The following PARP4 variants were observed in gnomAD, a reference collection of about 807,000 sequenced individuals.
PARP4 encodes protein mono-ADP-ribosyltransferase PARP4.
Under a neutral mutation model 187.7 loss-of-function variants are expected in PARP4, and 120 were observed. That is an observed-to-expected ratio of 0.64 (90% confidence interval 0.55 to 0.74). PARP4 has a LOEUF of 0.74. Among genes scored for constraint, PARP4 ranks in the 30% least tolerant of loss-of-function variants. The probability of loss-of-function intolerance (pLI) is 0.00; values close to 1 mark genes in which losing one functional copy is unlikely to be tolerated. For synonymous variants in PARP4, 654 were observed against 740.9 expected, an observed-to-expected ratio of 0.88 and a Z score of 1.90; for missense variants, 1,836 against 2,070.5, an observed-to-expected ratio of 0.89 and a Z score of 2.20.
intron 4 of PARP4, 94 bp downstream of exon 4, chr13:24,500,222 A>C: frequency 1.6e-6 from 1 of 622,426 alleles, no homozygotes; most frequent in Middle Eastern, 2.8e-4. Flanking sequence ...AAATAAGAAA[A>C]AGTCTACAAA....
Position 24,441,727 on chromosome 13 carries a change from A to G in PARP4, c.3666+119T>C. ...TATAAATGCATGAATATTTTCCATC[A>G]TCAGGGATACAACTTCTTCATGTAC... On this transcript the variant is annotated intron_variant, in intron 30 of 33. Transcript: ENST00000381989. 20 of 851,274 alleles carry G rather than the reference A, an allele frequency of 2.3e-5. No individual in the cohort carries two copies. The South Asian group carries it at 3.0e-4, about 13-fold the overall frequency. The allele number at this position is 851,274 out of a possible 1,614,324, so 52.7% of individuals were successfully genotyped here.
intron 25 of PARP4, 35 bp from the exon 26 acceptor site, chr13:24,447,221 G>A (rs771994349): frequency 1.2e-5 from 17 of 1,473,874 alleles, no homozygotes; most frequent in Non-Finnish European, 1.6e-5. Flanking sequence ...CTCTTTCAAT[G>A]CTCCATCCAG....
chr13:24,499,622 C>T (rs1001763997), intron 4 of PARP4, among the ~76,000 whole-genome samples: 2 of 152,138 alleles, frequency 1.3e-5, no homozygotes, highest in Non-Finnish European at 2.9e-5. Flanking sequence ...AGCACTGTAG[C>T]GTCTGCACTG....
chr13:24,434,304 T>C (rs1398459153), intron 31 of PARP4, 91 bp downstream of exon 31: 17 of 1,232,774 alleles, frequency 1.4e-5, no homozygotes, highest in African/African-American at 7.6e-5. Context: ...AGACTGATGA[T>C]AGACGGTTCC....
chr13:24,467,857 G>A (rs1593621664), intron 17 of PARP4, among the ~76,000 whole-genome samples: 2 of 152,238 alleles, frequency 1.3e-5, no homozygotes, highest in South Asian at 4.2e-4. Flanking sequence ...TTAAGTGGCA[G>A]CCTCTCAAAT....
intron 24 of PARP4, 35 bp downstream of exon 24, chr13:24,452,371 G>C: frequency 6.4e-7 from 1 of 1,571,848 alleles, no homozygotes; most frequent in Non-Finnish European, 8.7e-7. Context: ...CCTCCCCGTG[G>C]GTCTGGACTA....
intron 17 of PARP4, among the ~76,000 whole-genome samples, chr13:24,468,074 T>A (rs917162135): frequency 5.3e-5 from 8 of 152,152 alleles, no homozygotes; most frequent in African/African-American, 1.9e-4. Context: ...CATGGCCATG[T>A]GTCACCCTCA....
chr13:24,467,697 G>C (rs200718170), intron 17 of PARP4, among the ~76,000 whole-genome samples: 8 of 152,200 alleles, frequency 5.3e-5, no homozygotes, highest in Non-Finnish European at 8.8e-5. Flanking sequence ...AGACCTGAAG[G>C]CTTGGGTTAG....
chr13:24,506,324 G>A (rs1869670967), intron 1 of PARP4, among the ~76,000 whole-genome samples: 1 of 152,166 alleles, frequency 6.6e-6, no homozygotes, highest in African/African-American at 2.4e-5. Context: ...TAAAGGCAGT[G>A]CGGACCCAAA....
intron 30 of PARP4, among the ~76,000 whole-genome samples, chr13:24,437,118 T>A (rs1870674335): frequency 6.6e-6 from 1 of 152,146 alleles, no homozygotes; most frequent in Admixed American, 6.5e-5. Flanking sequence ...TACTAGATTA[T>A]GAAGGTGGCA....
intron 30 of PARP4, among the ~76,000 whole-genome samples, chr13:24,437,992 A>G (rs9511263): frequency 0.94 from 142,819 of 152,238 alleles, 67,134 homozygotes; most frequent in East Asian, 0.99. Context: ...TCCTGATCTC[A>G]GGTGATCCAC....
chr13:24,463,777 G>C (rs1440966405), intron 17 of PARP4, among the ~76,000 whole-genome samples: 1 of 152,100 alleles, frequency 6.6e-6, no homozygotes, highest in East Asian at 1.9e-4. Flanking sequence ...ATTCAATATA[G>C]TATTGGAAGT....
rs369486296 is a variant in PARP4, at chr13:24,492,404, A to G, written c.1053+17T>C. 1.6e-5 allele frequency: 25 copies of G among 1,580,222 alleles called. No homozygotes were observed. Among genetic ancestry groups the G allele is most frequent in the Admixed American group, 1.2e-4 (7 of 56,358 alleles). On this transcript the variant is annotated intron_variant, in intron 9 of 33. Coordinates refer to ENST00000381989, the MANE Select transcript of PARP4 (RefSeq NM_006437.4). Reference sequence around the variant, plus strand: ...CATATTTTATAATAAATAGAATTCTATATTTCAGAGGTTTACCTGGCAGAG... The same window carrying G: ...CATATTTTATAATAAATAGAATTCTGTATTTCAGAGGTTTACCTGGCAGAG...
In PARP4 at chr13:24,475,480, C is replaced by A. The variant is rs766074585; in HGVS notation, c.1906G>T (p.Val636Leu). 6.2e-7 allele frequency: 1 copy of A among 1,613,876 alleles called. No homozygotes were observed. The highest frequency in any genetic ancestry group is 2.2e-5 in the East Asian group (1 of 44,878). Residue 636 changes from valine to leucine, a missense_variant, in exon 15 of 34, where the codon GTA (valine) becomes TTA (leucine). Coordinates refer to ENST00000381989, the MANE Select transcript of PARP4 (RefSeq NM_006437.4). ...VHIKGRIIDT[V>L]AQVIVFQTYT... ...AGCCACAGACAACATACCTGGGCTA[C>A]AGTGTCTATGATTCTCCCTTTGATG...
chr13:24,501,470 G>A (rs1052620122), intron 3 of PARP4, among the ~76,000 whole-genome samples, 163 bp downstream of exon 3: 1 of 152,182 alleles, frequency 6.6e-6, no homozygotes, highest in Admixed American at 6.5e-5. Context: ...TAGTGCTAAA[G>A]TAGTCTTTTG....
chr13:24,435,607 T>G (rs1345559669), intron 30 of PARP4, 133 bp from the exon 31 acceptor site: 2 of 926,134 alleles, frequency 2.2e-6, no homozygotes, highest in African/African-American at 1.7e-5. Context: ...ATCATCAATG[T>G]GAGCTGGGAT....
intron 21 of PARP4, among the ~76,000 whole-genome samples, chr13:24,455,480 A>AATATATATATATATAT (rs57015283): frequency 0.025 from 2,643 of 107,818 alleles, 81 homozygotes; most frequent in South Asian, 0.04. Context: ...TTATGGAACA[A>AATATATATATATATAT]ATATATATAT....
At chr13:24,482,699 A>T (rs1873343036) in intron 12 of PARP4, among the ~76,000 whole-genome samples, 1 of 152,238 alleles carries the variant, frequency 6.6e-6, no homozygotes, top group African/African-American at 2.4e-5. Flanking sequence ...TTAATAGACT[A>T]GAGTGTAAAC....
intron 1 of PARP4, among the ~76,000 whole-genome samples, chr13:24,510,550 T>C (rs1593665525): frequency 2.1e-5 from 1 of 47,940 alleles, no homozygotes; most frequent in Non-Finnish European, 4.2e-5. Context: ...CGAGACTCCG[T>C]CTCAAAAAAA....
Sources: allele counts gnomAD v4.1 joint callset (sites outside exome capture counted in the v4.1 genomes callset), GRCh38; gene constraint gnomAD v4.1.1; transcripts MANE v1.5; gene names NCBI Gene and HGNC (gene_info 2026-07-23, HGNC 2026-07-21).